Variants in NFATC2IP observed in about 807,000 individuals in gnomAD.
NFATC2IP encodes the protein NFATC2-interacting protein.
Under a neutral mutation model 40.2 loss-of-function variants are expected in NFATC2IP, and 25 were observed. The observed-to-expected ratio is 0.62, with a 90% CI of 0.45 to 0.87. The LOEUF (loss-of-function observed/expected upper bound fraction) is 0.87. Ranked by LOEUF, NFATC2IP falls within the 40% of genes least tolerant of loss-of-function variation. The probability of loss-of-function intolerance (pLI) is 0.00; values close to 1 mark genes in which losing one functional copy is unlikely to be tolerated. For missense variants in NFATC2IP, 553 were observed against 555.6 expected (o/e 1.00, Z 0.05); for synonymous variants, 241 against 236.3 (o/e 1.02, Z -0.18).
intron 2 of NFATC2IP, 154 bp downstream of exon 2, chr16:28,952,358 T>C (rs1304996939): frequency 8.5e-7 from 1 of 1,178,752 alleles, no homozygotes; most frequent in African/African-American, 1.5e-5. Flanking sequence ...AGCTGGATTG[T>C]TAACAAGCAT....
At chr16:28,951,513 G>T in intron 1 of NFATC2IP, 115 bp downstream of exon 1, 1 of 1,066,804 alleles carries the variant, frequency 9.4e-7, no homozygotes, top group Non-Finnish European at 1.2e-6. Context: ...GCGTTCTGGG[G>T]CTGGTCCTCG....
Position 28,956,223 on chromosome 16 carries a change from G to A in NFATC2IP, c.732G>A (p.Gln244=), listed in dbSNP as rs1283652065. The change falls in exon 5 of 8, where the codon CAG becomes CAA. Residue 244 remains glutamine, a synonymous_variant. Coordinates refer to ENST00000320805, the MANE Select transcript of NFATC2IP (RefSeq NM_032815.4). ...SPKPPQGQEQ[Q]GQEDEVVLVE... ...AGCCACCTCAGGGTCAAGAGCAACA[G>A]GGCCAAGAGGATGAAGTGGTCTTGG... 2.5e-6 allele frequency: 4 copies of A among 1,613,930 alleles called. No homozygotes were observed. The highest frequency in any genetic ancestry group is 2.5e-6 in the Non-Finnish European group (3 of 1,179,974).
At position 28,956,241 on chromosome 16, in the gene NFATC2IP, G is replaced by T. The variant is rs747649496; in HGVS notation, c.750G>T (p.Val250=). Residue 250 remains valine (V), a synonymous_variant, in exon 5 of 8, where the codon GTG becomes GTT. Transcript: ENST00000320805. ...AGCAACAGGGCCAAGAGGATGAAGT[G>T]GTCTTGGTGGAAGGGCCCACCCTCC... ...GQEQQGQEDE[V]VLVEGPTLPE... 2.5e-6 allele frequency: 4 copies of T among 1,613,956 alleles called. No homozygotes were observed. The highest frequency in any genetic ancestry group is 2.2e-5 in the South Asian group (2 of 91,080).
intron 7 of NFATC2IP, among the ~76,000 whole-genome samples, chr16:28,963,116 AG>A (rs1965105506): frequency 6.6e-6 from 1 of 152,160 alleles, no homozygotes; most frequent in Admixed American, 6.5e-5. Context: ...CAGGAGGCAG[AG>A]GTTGCAGTGA....
At chr16:28,962,701 G>T (rs539725077) in intron 7 of NFATC2IP, among the ~76,000 whole-genome samples, 1 of 152,278 alleles carries the variant, frequency 6.6e-6, no homozygotes, top group African/African-American at 2.4e-5. Context: ...AACATACAAA[G>T]ACCAAATATA....
intron 7 of NFATC2IP, among the ~76,000 whole-genome samples, chr16:28,962,108 G>A (rs1965095396): frequency 6.6e-6 from 1 of 151,732 alleles, no homozygotes; most frequent in African/African-American, 2.4e-5. Flanking sequence ...GTCTCACTAT[G>A]TTGCCCAGGC....
Position 28,958,986 on chromosome 16 carries a change from C to T in NFATC2IP, c.992-5C>T, listed in dbSNP as rs1264860718. The stretch of plus-strand genomic sequence containing the variant: ...GCCCTGGCTTCCTGATTCTGCCTCC[C>T]ACAGACTGTGTGGTACTAACAAGTT... On this transcript the variant is annotated splice_polypyrimidine_tract_variant and splice_region_variant and intron_variant, in intron 6 of 7. Transcript: ENST00000320805. 3 of 1,611,564 alleles carry T rather than the reference C, an allele frequency of 1.9e-6. No individual in the cohort carries two copies. The highest frequency in any genetic ancestry group is 2.5e-6 in the Non-Finnish European group (3 of 1,177,806).
In NFATC2IP at chr16:28,956,134, T is replaced by A; in HGVS notation, c.660-17T>A. 6.2e-7 allele frequency: 1 copy of A among 1,613,780 alleles called. No homozygotes were observed. Among genetic ancestry groups the A allele is most frequent in the South Asian group, 1.1e-5 (1 of 91,074 alleles). On this transcript the variant is annotated splice_polypyrimidine_tract_variant and intron_variant, in intron 4 of 7. Transcript: ENST00000320805. ...GTGGCTGACTCCAGTTGACCCAGAGTCCTGTCTGCACTGCAGTGAGGTGAA... is the reference window on the plus strand; with the variant it reads ...GTGGCTGACTCCAGTTGACCCAGAGACCTGTCTGCACTGCAGTGAGGTGAA...
rs1965135494 is a variant in NFATC2IP, at chr16:28,965,499, C to T, written c.*1636C>T. The T allele has an allele frequency of 6.6e-6, 1 of 152,144 alleles. No individual in the cohort carries two copies. The highest frequency in any genetic ancestry group is 6.6e-5 in the Admixed American group (1 of 15,244). 9.4% of individuals were successfully genotyped at this position (152,144 alleles called of 1,614,324 possible). A position where few individuals can be genotyped will look rare whatever the true frequency, so the allele number is the denominator to read the frequency against. Reference sequence around the variant, plus strand: ...CATGAGGGCAGGAGATTGAGACCCTCCTGGCCAACATGGTGAAACCCCGTC... The same window carrying T: ...CATGAGGGCAGGAGATTGAGACCCTTCTGGCCAACATGGTGAAACCCCGTC... On this transcript the variant is annotated 3_prime_UTR_variant, in exon 8 of 8. Coordinates refer to ENST00000320805, the MANE Select transcript of NFATC2IP (RefSeq NM_032815.4).
intron 2 of NFATC2IP, among the ~76,000 whole-genome samples, chr16:28,953,628 A>G (rs556401402): frequency 6.6e-6 from 1 of 152,234 alleles, no homozygotes; most frequent in African/African-American, 2.4e-5. Flanking sequence ...CTAGAAATGC[A>G]GGATCGGCTG....
Position 28,954,615 on chromosome 16 carries a change from C to A in NFATC2IP, c.511C>A (p.Pro171Thr). Residue 171 changes from proline to threonine, a missense_variant, in exon 3 of 8, where the codon CCA (proline) becomes ACA (threonine). Pro to Thr is a conservative substitution (Grantham distance 38). Transcript: ENST00000320805. Reference protein sequence around the residue: ...SGLYHEGSPSPGSPWKTKLRT... With the variant: ...SGLYHEGSPSTGSPWKTKLRT... Reference sequence around the variant, plus strand: ...TCTCTACCATGAGGGCTCCCCATCACCAGGCTCTCCCTGGAAGACAAAGCT... The same window carrying A: ...TCTCTACCATGAGGGCTCCCCATCAACAGGCTCTCCCTGGAAGACAAAGCT... 1 of 1,614,002 alleles carries A rather than the reference C, an allele frequency of 6.2e-7. No individual in the cohort carries two copies.
Position 28,951,190 on chromosome 16 carries a change from A to T in NFATC2IP, c.179A>T (p.Glu60Val). ...LVTDSDEEIL[E>V]VATARGAADE... is the part of the protein sequence containing the mutation. ...ACCGACAGCGATGAGGAAATTCTGG[A>T]GGTCGCCACCGCTCGCGGTGCCGCG... Residue 60 changes from glutamate to valine, a missense_variant, in exon 1 of 8, where the codon GAG (glutamate) becomes GTG (valine). Transcript: ENST00000320805. 3.2e-6 allele frequency: 5 copies of T among 1,539,774 alleles called. No homozygotes were observed. The highest frequency in any genetic ancestry group is 4.4e-6 in the Non-Finnish European group (5 of 1,141,016).
Position 28,964,810 on chromosome 16 carries a change from T to C in NFATC2IP, c.*947T>C, listed in dbSNP as rs1023239162. 1 of 152,270 alleles carries C rather than the reference T, an allele frequency of 6.6e-6. No individual in the cohort carries two copies. The highest frequency in any genetic ancestry group is 6.5e-5 in the Admixed American group (1 of 15,286). The allele number at this position is 152,270 out of a possible 1,614,324, so 9.4% of individuals were successfully genotyped here. On this transcript the variant is annotated 3_prime_UTR_variant, in exon 8 of 8. Transcript: ENST00000320805. Reference sequence around the variant, plus strand: ...AATGCAGTATTGCTTTGACCTGCCATGTGGCACTCCACAATGTCAATTGCA... The same window carrying C: ...AATGCAGTATTGCTTTGACCTGCCACGTGGCACTCCACAATGTCAATTGCA...
chr16:28,953,474 AAGGGAAT>A (rs1175936928), intron 2 of NFATC2IP, among the ~76,000 whole-genome samples: 3 of 152,208 alleles, frequency 2.0e-5, no homozygotes, highest in Non-Finnish European at 4.4e-5. Flanking sequence ...GAATTAACGA[AAGGGAAT>A]ATAGAGAGAG....
intron 7 of NFATC2IP, among the ~76,000 whole-genome samples, chr16:28,961,613 A>T (rs1025529429): frequency 6.6e-6 from 1 of 151,962 alleles, no homozygotes; most frequent in Non-Finnish European, 1.5e-5. Context: ...AACAAAAAAG[A>T]GACAGGGCCA....
intron 5 of NFATC2IP, chr16:28,957,806 G>T (rs1483653287): frequency 6.6e-6 from 1 of 152,054 alleles, no homozygotes; most frequent in African/African-American, 2.4e-5. Flanking sequence ...CGAGTTTGTT[G>T]TCACCTTTGT....
At position 28,954,690 on chromosome 16, in the gene NFATC2IP, A is replaced by G. The variant is rs766872662; in HGVS notation, c.578+8A>G. On this transcript the variant is annotated splice_region_variant and intron_variant, in intron 3 of 7. Transcript: ENST00000320805. ...GAAAAAGACAGAGTTTCTGTGAGTG[A>G]GGCCAGGGCCCTTGGGCCCTGGGAG... 1 of 1,582,920 alleles carries G rather than the reference A, an allele frequency of 6.3e-7. No homozygotes were observed. The highest frequency in any genetic ancestry group is 1.1e-5 in the South Asian group (1 of 90,492).
chr16:28,951,164 C>T lies in NFATC2IP; in HGVS notation c.153C>T (p.Val51=), dbSNP rs1215806718. ...TGGACGTAGTGTCTGTGGACTTGGT[C>T]ACCGACAGCGATGAGGAAATTCTGG... ...GTLDVVSVDL[V]TDSDEEILEV... The change falls in exon 1 of 8, where the codon GTC becomes GTT. Residue 51 remains valine (V), a synonymous_variant. Coordinates refer to ENST00000320805, the MANE Select transcript of NFATC2IP (RefSeq NM_032815.4). 3 of 1,544,142 alleles carry T rather than the reference C, an allele frequency of 1.9e-6. No homozygotes were observed. The highest frequency in any genetic ancestry group is 2.5e-5 in the East Asian group (1 of 40,486).
At chr16:28,951,473 G>A (rs932181355) in intron 1 of NFATC2IP, 75 bp downstream of exon 1, 7 of 1,338,458 alleles carry the variant, frequency 5.2e-6, no homozygotes, top group Non-Finnish European at 6.7e-6. Context: ...GGCGTTCGGG[G>A]AGGGTAGGGC....
Sources: allele counts gnomAD v4.1 joint callset (sites outside exome capture counted in the v4.1 genomes callset), GRCh38; gene constraint gnomAD v4.1.1; transcripts MANE v1.5; gene names NCBI Gene and HGNC (gene_info 2026-07-23, HGNC 2026-07-21).